The following SYNE1 variants were observed in gnomAD, a reference collection of about 807,000 sequenced individuals.
The protein encoded by SYNE1 is nesprin-1.
A neutral mutation model predicts 1,111.0 loss-of-function variants in SYNE1; 616 were observed. The ratio of observed to expected loss-of-function variants is 0.55; its 90% CI spans 0.52 to 0.59. The LOEUF is 0.59. Ranked by LOEUF, SYNE1 falls within the 20% of genes least tolerant of loss-of-function variation. The pLI is 0.00. For missense variants in SYNE1, 10,006 were observed against 10,417.0 expected (o/e 0.96, Z 1.72); for synonymous variants, 3,855 against 3,825.8 (o/e 1.01, Z -0.28).
At chr6:152,611,158 A>G (rs2099630185) in intron 3 of SYNE1, among the ~76,000 whole-genome samples, 1 of 152,204 alleles carries the variant, frequency 6.6e-6, no homozygotes, top group Non-Finnish European at 1.5e-5. Flanking sequence ...TTAACCTTAA[A>G]TGTAAATGGG....
At chr6:152,186,331 C>A (rs1055042842) in intron 128 of SYNE1, among the ~76,000 whole-genome samples, 2 of 151,796 alleles carry the variant, frequency 1.3e-5, no homozygotes, top group African/African-American at 2.4e-5. Context: ...CTGAGGTGGG[C>A]AGATCACCTG....
chr6:152,152,347 A>G (rs1169525574), intron 133 of SYNE1, among the ~76,000 whole-genome samples: 1 of 152,214 alleles, frequency 6.6e-6, no homozygotes, highest in African/African-American at 2.4e-5. Context: ...GAATCTATCA[A>G]AAAATATGAA....
At chr6:152,524,562 C>G (rs2099154707) in intron 5 of SYNE1, among the ~76,000 whole-genome samples, 2 of 151,952 alleles carry the variant, frequency 1.3e-5, no homozygotes, top group South Asian at 4.1e-4. Flanking sequence ...GTATCTTTAG[C>G]TAATGCATAT....
At chr6:152,376,052 A>G in intron 58 of SYNE1, 1 of 237,578 alleles carries the variant, frequency 4.2e-6, no homozygotes. Flanking sequence ...GGCAGGGGGG[A>G]TGGTTTCGGG....
Position 152,344,143 on chromosome 6 carries a change from C to A in SYNE1, c.12163G>T (p.Val4055Phe). The change falls in exon 74 of 146, where the codon GTC becomes TTC. Residue 4055 changes from valine (V) to phenylalanine (F), a missense_variant. Coordinates refer to ENST00000367255, the MANE Select transcript of SYNE1 (RefSeq NM_182961.4). ...GGACTTGGCTCTAAATCCGGCTGGA[C>A]TGCAGAAAGCCAGGCCTGGCACTGC... ...LQQCQAWLSA[V>F]QPDLEPSPQP... 1.2e-6 allele frequency: 2 copies of A among 1,614,252 alleles called. No individual in the cohort carries two copies. Among genetic ancestry groups the A allele is most frequent in the Non-Finnish European group, 1.7e-6 (2 of 1,180,042 alleles).
intron 124 of SYNE1, 48 bp from the exon 125 acceptor site, chr6:152,208,254 G>C: frequency 6.5e-7 from 1 of 1,538,376 alleles, no homozygotes; most frequent in Non-Finnish European, 9.0e-7. Context: ...TATCTTGGAT[G>C]CAGTTACGCA....
In SYNE1 at chr6:152,383,580, T is replaced by C. The variant is rs549479111; in HGVS notation, c.8652+2094A>G. The stretch of plus-strand genomic sequence containing the variant: ...CACCCTCCTACTCTTCCCCTTCTTG[T>C]TTTTCCCCTCCTTTTTCTCTCTACC... On this transcript the variant is annotated intron_variant, in intron 55 of 145. Transcript: ENST00000367255. Among the ~76,000 whole-genome samples the C allele has an allele frequency of 1.1e-4, 17 of 152,278 alleles. No homozygotes were observed. The South Asian group carries it at 2.9e-3, about 26-fold the overall frequency.
At chr6:152,163,883 T>C (rs906473152) in intron 131 of SYNE1, among the ~76,000 whole-genome samples, 10 of 152,112 alleles carry the variant, frequency 6.6e-5, no homozygotes, top group African/African-American at 2.4e-4. Context: ...AGATACGTAA[T>C]TGCAACTCCA....
chr6:152,282,190 A>G, intron 96 of SYNE1: 1 of 603,416 alleles, frequency 1.7e-6, no homozygotes, highest in Non-Finnish European at 3.0e-6. Context: ...AAGACTCCCT[A>G]GTGATTTTAA....
intron 50 of SYNE1, among the ~76,000 whole-genome samples, chr6:152,396,132 A>T (rs1446535364): frequency 1.3e-5 from 2 of 152,226 alleles, no homozygotes; most frequent in Non-Finnish European, 2.9e-5. Context: ...GTGAATAAGT[A>T]GGGCAGTGGA....
At chr6:152,549,391 T>C (rs1384389103) in intron 3 of SYNE1, among the ~76,000 whole-genome samples, 2 of 152,194 alleles carry the variant, frequency 1.3e-5, no homozygotes, top group Non-Finnish European at 2.9e-5. Flanking sequence ...CCACAGAGTT[T>C]TGGAGTAGTT....
intron 95 of SYNE1, among the ~76,000 whole-genome samples, chr6:152,286,579 G>A (rs183544219): frequency 1.8e-4 from 28 of 152,184 alleles, no homozygotes; most frequent in African/African-American, 5.1e-4. Context: ...CCATTTCCCC[G>A]ATGACTAATG....
intron 127 of SYNE1, among the ~76,000 whole-genome samples, chr6:152,195,518 A>G (rs2073878538): frequency 6.6e-6 from 1 of 152,160 alleles, no homozygotes; most frequent in African/African-American, 2.4e-5. Flanking sequence ...ATCATGGGGC[A>G]CCCCAAGCCC....
intron 51 of SYNE1, among the ~76,000 whole-genome samples, chr6:152,392,653 C>A (rs1219991379): frequency 2.0e-5 from 3 of 152,078 alleles, no homozygotes; most frequent in African/African-American, 4.8e-5. Context: ...TACTCTGTAA[C>A]AAACTTGCAC....
In SYNE1 at chr6:152,355,648, A is replaced by C. The variant is rs114195701; in HGVS notation, c.10609-672T>G. Among the ~76,000 whole-genome samples the C allele has an allele frequency of 1.6e-3, 250 of 152,324 alleles. 1 individual carries two copies. Among genetic ancestry groups the C allele is most frequent in the African/African-American group, 5.9e-3 (245 of 41,574 alleles). ...CATATGCTATTTTTTATAGGACAAAAAGAATCTTATATCCTTAAAGATATT... is the reference window on the plus strand; with the variant it reads ...CATATGCTATTTTTTATAGGACAAACAGAATCTTATATCCTTAAAGATATT... On this transcript the variant is annotated intron_variant, in intron 66 of 145. Coordinates refer to ENST00000367255, the MANE Select transcript of SYNE1 (RefSeq NM_182961.4).
chr6:152,158,658 A>G (rs1039459387), intron 131 of SYNE1, among the ~76,000 whole-genome samples: 2 of 152,238 alleles, frequency 1.3e-5, no homozygotes, highest in African/African-American at 4.8e-5. Context: ...GTAATATAAA[A>G]ATTAAACTTA....
intron 130 of SYNE1, among the ~76,000 whole-genome samples, chr6:152,164,893 T>C (rs2153033164): frequency 6.6e-6 from 1 of 152,334 alleles, no homozygotes; most frequent in East Asian, 1.9e-4. Context: ...AGCAAAATAC[T>C]TCAAGCTGCT....
Position 152,231,470 on chromosome 6 carries a change from C to G in SYNE1, c.20960G>C (p.Ser6987Thr). 2 of 1,614,154 alleles carry G rather than the reference C, an allele frequency of 1.2e-6. No homozygotes were observed. Among genetic ancestry groups the G allele is most frequent in the African/African-American group, 1.3e-5 (1 of 75,024 alleles). Residue 6987 changes from serine (S) to threonine (T), a missense_variant, in exon 114 of 146, where the codon AGT (serine) becomes ACT (threonine). Physicochemically the swap from Ser to Thr is moderately conservative, Grantham distance 58. Around this residue, in one of 7 missense-constraint regions of SYNE1, gnomAD observed 2,182 missense variants for 2,287.8 expected, o/e 0.95. Coordinates refer to ENST00000367255, the MANE Select transcript of SYNE1 (RefSeq NM_182961.4). ...TTGCTCAGCAAAATCAGTCTTATCA[C>G]TACGCTTACTTTCCACATCCTGACT... ...ISSQDVESKR[S>T]DKTDFAEQLG...
chr6:152,348,496 C>T (rs546744997), intron 72 of SYNE1, among the ~76,000 whole-genome samples: 1 of 152,186 alleles, frequency 6.6e-6, no homozygotes, highest in Admixed American at 6.5e-5. Context: ...ACCAGCCTGG[C>T]CAACATGGTG....
Sources: allele counts gnomAD v4.1 joint callset (sites outside exome capture counted in the v4.1 genomes callset), GRCh38; gene constraint gnomAD v4.1.1; regional missense constraint gnomAD v4.1.1; transcripts MANE v1.5; gene names NCBI Gene and HGNC (gene_info 2026-07-23, HGNC 2026-07-21).